STAG1: variants seen among roughly 807,000 people sequenced by gnomAD.
STAG1 encodes STAG1 cohesin complex component.
In STAG1, 26 loss-of-function variants were observed where a neutral mutation model predicts 170.9. The observed-to-expected ratio is 0.15, with a 90% CI of 0.11 to 0.21. STAG1 has a LOEUF of 0.21. Ranked by LOEUF, STAG1 falls within the 10% of genes least tolerant of loss-of-function variation. STAG1 has a pLI of 1.00. For synonymous variants in STAG1, 514 were observed against 497.7 expected (o/e 1.03, Z -0.44); for missense variants, 964 against 1,509.5 (o/e 0.64, Z 5.99).
At chr3:136,593,981 T>C (rs1428179056) in intron 4 of STAG1, among the ~76,000 whole-genome samples, 1 of 152,230 alleles carries the variant, frequency 6.6e-6, no homozygotes, top group African/African-American at 2.4e-5. Context: ...GTATCATTTG[T>C]TTATAATTAC....
At chr3:136,640,432 G>C (rs951568304) in intron 1 of STAG1, among the ~76,000 whole-genome samples, 11 of 149,664 alleles carry the variant, frequency 7.3e-5, no homozygotes, top group Non-Finnish European at 4.4e-5. Context: ...GCAATGGCAC[G>C]ATCTCGGCTC....
intron 4 of STAG1, among the ~76,000 whole-genome samples, chr3:136,591,020 A>G (rs1938139034): frequency 6.6e-6 from 1 of 151,530 alleles, no homozygotes; most frequent in Non-Finnish European, 1.5e-5. Context: ...TCTGACTGAA[A>G]TTCAAACTCC....
intron 21 of STAG1, among the ~76,000 whole-genome samples, chr3:136,414,506 A>G (rs2087717498): frequency 6.6e-6 from 1 of 152,188 alleles, no homozygotes; most frequent in South Asian, 2.1e-4. Flanking sequence ...CTCTCTTGCT[A>G]TCTCCACTAC....
In STAG1 at chr3:136,500,311, T is replaced by C. The variant is rs776132071; in HGVS notation, c.829-15A>G. On this transcript the variant is annotated splice_polypyrimidine_tract_variant and intron_variant, in intron 8 of 33. Transcript: ENST00000383202. ...TTTTCTTGCAGCTGAAATGAAAAAA[T>C]ATATATAAGTTGAAATCCTGATCAT... is the stretch of plus-strand genomic sequence containing the variant. 4.0e-6 allele frequency: 6 copies of C among 1,515,084 alleles called. No homozygotes were observed. The highest frequency in any genetic ancestry group is 2.3e-5 in the East Asian group (1 of 44,018). 93.9% of individuals were successfully genotyped at this position (1,515,084 alleles called of 1,614,324 possible).
At chr3:136,528,578 T>C (rs1935200701) in intron 6 of STAG1, among the ~76,000 whole-genome samples, 1 of 132,978 alleles carries the variant, frequency 7.5e-6, no homozygotes, top group Non-Finnish European at 1.5e-5. Flanking sequence ...TACAACAGAA[T>C]TCTGAAAAAC....
At chr3:136,600,156 A>G (rs1243926097) in intron 4 of STAG1, among the ~76,000 whole-genome samples, 1 of 152,130 alleles carries the variant, frequency 6.6e-6, no homozygotes, top group Non-Finnish European at 1.5e-5. Context: ...GCAAACTACT[A>G]CCCTTCTGAA....
chr3:136,522,794 C>T (rs1177089639), intron 6 of STAG1, among the ~76,000 whole-genome samples: 1 of 149,884 alleles, frequency 6.7e-6, no homozygotes, highest in East Asian at 2.0e-4. Context: ...GTTCAACTCC[C>T]ACCTATGAGT....
At chr3:136,459,555 C>T (rs1215269102) in intron 13 of STAG1, among the ~76,000 whole-genome samples, 1 of 152,188 alleles carries the variant, frequency 6.6e-6, no homozygotes, top group Non-Finnish European at 1.5e-5. Context: ...TTCCATCTAA[C>T]AGTTGCAGAA....
chr3:136,487,474 A>G (rs2090040688), intron 9 of STAG1, among the ~76,000 whole-genome samples: 1 of 152,130 alleles, frequency 6.6e-6, no homozygotes, highest in Admixed American at 6.6e-5. Flanking sequence ...TGCCAGTTCA[A>G]TCCTTCCCAT....
chr3:136,372,198 T>C (rs1300807542), intron 23 of STAG1, among the ~76,000 whole-genome samples: 1 of 152,236 alleles, frequency 6.6e-6, no homozygotes, highest in Admixed American at 6.5e-5. Flanking sequence ...ACATTGATTT[T>C]GTATCCTGAG....
At chr3:136,558,502 G>C (rs1936712514) in intron 5 of STAG1, among the ~76,000 whole-genome samples, 1 of 152,216 alleles carries the variant, frequency 6.6e-6, no homozygotes, top group Non-Finnish European at 1.5e-5. Flanking sequence ...AAATTCTCAT[G>C]GTTAACTGTT....
chr3:136,676,154 T>A (rs1942123456), intron 1 of STAG1, among the ~76,000 whole-genome samples: 1 of 152,226 alleles, frequency 6.6e-6, no homozygotes, highest in African/African-American at 2.4e-5. Flanking sequence ...CACATCTATA[T>A]GGGGCACTTA....
chr3:136,465,339 C>A (rs1346243531), intron 12 of STAG1, among the ~76,000 whole-genome samples: 14 of 150,558 alleles, frequency 9.3e-5, no homozygotes, highest in Non-Finnish European at 1.8e-4. Flanking sequence ...CCTGCCTCAG[C>A]CTCCTGAGTA....
chr3:136,707,563 T>C (rs910155113), intron 1 of STAG1, among the ~76,000 whole-genome samples: 11 of 76,690 alleles, frequency 1.4e-4, no homozygotes, highest in Non-Finnish European at 2.7e-4. Flanking sequence ...ACTGGTAATT[T>C]ATAATGAAAA....
chr3:136,423,471 A>G (rs2088019376), intron 16 of STAG1, among the ~76,000 whole-genome samples: 1 of 152,186 alleles, frequency 6.6e-6, no homozygotes, highest in Non-Finnish European at 1.5e-5. Context: ...GCACACACTA[A>G]TAATATCTCT....
intron 22 of STAG1, among the ~76,000 whole-genome samples, chr3:136,392,719 T>C (rs979504598): frequency 2.0e-5 from 3 of 146,856 alleles, no homozygotes; most frequent in Non-Finnish European, 3.0e-5. Context: ...TGAGCCGAGA[T>C]TGTGCAACTG....
chr3:136,748,432 T>C (rs978478608), intron 1 of STAG1, among the ~76,000 whole-genome samples: 5 of 151,960 alleles, frequency 3.3e-5, no homozygotes, highest in Non-Finnish European at 7.4e-5. Flanking sequence ...GGTCTCACTC[T>C]GTCACCCAGG....
At chr3:136,505,265 AAGG>A (rs1249218351) in intron 7 of STAG1, among the ~76,000 whole-genome samples, 1 of 152,216 alleles carries the variant, frequency 6.6e-6, no homozygotes, top group Non-Finnish European at 1.5e-5. Flanking sequence ...CTTGTCTAGC[AAGG>A]AGAAGAATAC....
chr3:136,632,556 T>C (rs976186494), intron 1 of STAG1, among the ~76,000 whole-genome samples: 4 of 151,994 alleles, frequency 2.6e-5, no homozygotes, highest in African/African-American at 9.7e-5. Flanking sequence ...TAAATATATA[T>C]ACTACACATA....
Sources: allele counts gnomAD v4.1 joint callset (sites outside exome capture counted in the v4.1 genomes callset), GRCh38; gene constraint gnomAD v4.1.1; transcripts MANE v1.5; gene names NCBI Gene and HGNC (gene_info 2026-07-23, HGNC 2026-07-21).